The following SLC25A48 variants were observed in gnomAD, a reference collection of about 807,000 sequenced individuals.
SLC25A48 encodes CTC-321K16.1.
SLC25A48 carries 29 observed loss-of-function variants against 32.2 expected under a neutral mutation model. That is an observed-to-expected ratio of 0.90 (90% confidence interval 0.67 to 1.23). SLC25A48 has a LOEUF of 1.23. SLC25A48 is among the 50% of genes most tolerant of loss of function. The pLI is 0.00. For missense variants in SLC25A48, 399 were observed against 422.7 expected, an observed-to-expected ratio of 0.94 and a Z score of 0.49; for synonymous variants, 164 against 172.3, an observed-to-expected ratio of 0.95 and a Z score of 0.38.
chr5:135,680,332 C>A (rs374830552), intron 3 of SLC25A48, among the ~76,000 whole-genome samples: 77 of 152,334 alleles, frequency 5.1e-4, no homozygotes, highest in African/African-American at 1.5e-3. Flanking sequence ...TTAGCTAGCA[C>A]AGATCCTTTG....
intron 3 of SLC25A48, among the ~76,000 whole-genome samples, chr5:135,735,328 G>A (rs548516707): frequency 8.5e-4 from 129 of 152,232 alleles, no homozygotes; most frequent in Middle Eastern, 3.4e-3. Flanking sequence ...TTTGAGGGCC[G>A]GATTCTAATT....
intron 4 of SLC25A48, among the ~76,000 whole-genome samples, chr5:135,819,237 T>C (rs1055768640): frequency 6.6e-6 from 1 of 152,128 alleles, no homozygotes; most frequent in African/African-American, 2.4e-5. Context: ...AGAGGCTCTG[T>C]AAACCCCAGA....
intron 6 of SLC25A48, among the ~76,000 whole-genome samples, chr5:135,877,727 C>A (rs1022139976): frequency 8.5e-5 from 13 of 152,092 alleles, no homozygotes; most frequent in East Asian, 1.9e-4. Context: ...TCCTTCCTGA[C>A]AGATAAGTCA....
intron 1 of SLC25A48, among the ~76,000 whole-genome samples, chr5:135,581,301 A>G (rs1751228715): frequency 6.6e-6 from 1 of 152,170 alleles, no homozygotes. Context: ...CCCTCTTACA[A>G]CCAATGCTGT....
At chr5:135,779,427 A>G (rs1756664067) in intron 3 of SLC25A48, among the ~76,000 whole-genome samples, 2 of 151,442 alleles carry the variant, frequency 1.3e-5, no homozygotes, top group Non-Finnish European at 2.9e-5. Context: ...CATTACTCCC[A>G]ATATCACAGG....
chr5:135,815,367 G>A (rs573944471), intron 4 of SLC25A48, among the ~76,000 whole-genome samples: 3 of 152,214 alleles, frequency 2.0e-5, no homozygotes, highest in Admixed American at 6.5e-5. Context: ...CTGATCTGAC[G>A]GGAGGTGGAG....
In SLC25A48 at chr5:135,629,739, C is replaced by A. The variant is rs978132068; in HGVS notation, c.-709+363C>A. On this transcript the variant is annotated intron_variant, in intron 2 of 10. Coordinates refer to the SLC25A48 transcript ENST00000646290. The surrounding 1 kb of genome is among the most constrained non-coding windows in gnomAD (Gnocchi z 4.8). ...GAGCTGGGGCATTGATCCTTCAACT[C>A]CCCATCCATCATGGGTGGAGGGTTG... Among the ~76,000 whole-genome samples, 1 of 152,182 alleles carries A rather than the reference C, an allele frequency of 6.6e-6. No homozygotes were observed. Among genetic ancestry groups the A allele is most frequent in the South Asian group, 2.1e-4 (1 of 4,822 alleles).
intron 1 of SLC25A48, among the ~76,000 whole-genome samples, chr5:135,614,961 C>T (rs1028158947): frequency 6.6e-6 from 1 of 152,184 alleles, no homozygotes; most frequent in African/African-American, 2.4e-5. Flanking sequence ...CCATGTAAGA[C>T]GTGCCTGCTT....
At chr5:135,765,928 G>A (rs1464116567) in intron 3 of SLC25A48, among the ~76,000 whole-genome samples, 1 of 151,766 alleles carries the variant, frequency 6.6e-6, no homozygotes, top group Non-Finnish European at 1.5e-5. Flanking sequence ...AGGGGTGAGA[G>A]GGTCATATTA....
chr5:135,859,732 T>C (rs1003950696), intron 4 of SLC25A48, among the ~76,000 whole-genome samples: 12 of 152,178 alleles, frequency 7.9e-5, no homozygotes, highest in Admixed American at 2.6e-4. Context: ...CATTGTTGCT[T>C]CTGGGTGAGG....
intron 1 of SLC25A48, among the ~76,000 whole-genome samples, chr5:135,839,803 G>A (rs140378040): frequency 3.9e-5 from 6 of 152,270 alleles, no homozygotes; most frequent in Admixed American, 3.3e-4. Flanking sequence ...TTCCTGTGCT[G>A]TTCTTGTGGT....
At chr5:135,783,966 G>A (rs1580874854) in intron 3 of SLC25A48, among the ~76,000 whole-genome samples, 2 of 117,840 alleles carry the variant, frequency 1.7e-5, no homozygotes, top group African/African-American at 5.2e-5. Context: ...AATCAGGGGG[G>A]AAAAGGATGA....
At chr5:135,780,822 C>T (rs1580871922) in intron 3 of SLC25A48, among the ~76,000 whole-genome samples, 1 of 114,440 alleles carries the variant, frequency 8.7e-6, no homozygotes, top group Admixed American at 9.0e-5. Flanking sequence ...CTCCCAATAT[C>T]GCAGGCGGTG....
chr5:135,658,029 C>A (rs916920144), intron 3 of SLC25A48, among the ~76,000 whole-genome samples: 1 of 152,180 alleles, frequency 6.6e-6, no homozygotes, highest in African/African-American at 2.4e-5. Flanking sequence ...GTGCTCCTGG[C>A]CACTCCAAAA....
At chr5:135,836,185 T>G (rs1195195135) in intron 1 of SLC25A48, among the ~76,000 whole-genome samples, 1 of 152,036 alleles carries the variant, frequency 6.6e-6, no homozygotes, top group Non-Finnish European at 1.5e-5. Flanking sequence ...TGAGTCAGAG[T>G]AGTTCCAAGA....
At chr5:135,760,247 T>TA (rs1174220727) in intron 3 of SLC25A48, among the ~76,000 whole-genome samples, 2 of 152,196 alleles carry the variant, frequency 1.3e-5, no homozygotes, top group African/African-American at 4.8e-5. Flanking sequence ...ATAGTGCATA[T>TA]ACGTGCATAT....
rs569163211 is a variant in SLC25A48, at chr5:135,781,739, AC to A, written c.-520-30782del. ...CTCAATATTGCAGGTGCTGTACACTACCTTTGTGTTGTAGTACCTAACATCC... is the reference window on the plus strand; with the variant it reads ...CTCAATATTGCAGGTGCTGTACACTACTTTGTGTTGTAGTACCTAACATCC... On this transcript the variant is annotated intron_variant, in intron 3 of 10. Transcript: ENST00000646290. 4.4e-3 allele frequency among the ~76,000 whole-genome samples: 509 copies of A among 116,382 alleles called. 150 individuals are homozygous for A. Among genetic ancestry groups the A allele is most frequent in the Non-Finnish European group, 9.2e-3 (434 of 46,994 alleles). 76.4% of individuals were successfully genotyped at this position (116,382 alleles called of 152,430 possible). A position where few individuals can be genotyped will look rare whatever the true frequency, so the allele number is the denominator to read the frequency against.
chr5:135,687,229 A>G (rs146793062), intron 3 of SLC25A48, among the ~76,000 whole-genome samples: 244 of 152,310 alleles, frequency 1.6e-3, no homozygotes, highest in African/African-American at 3.2e-3. Flanking sequence ...AAGGTTACCT[A>G]CAGATTGGGT....
intron 7 of SLC25A48, among the ~76,000 whole-genome samples, chr5:135,885,220 G>T (rs567502263): frequency 3.9e-5 from 6 of 152,202 alleles, no homozygotes; most frequent in African/African-American, 1.4e-4. Context: ...ACCTCCCATT[G>T]CTCTGGTCCA....
Sources: gnomAD v4.1 joint callset for allele counts (sites outside exome capture counted in the v4.1 genomes callset) on GRCh38, gnomAD v4.1.1 for gene constraint, Gnocchi (gnomAD v3.1) non-coding constraint, MANE v1.5 for transcripts, NCBI Gene and HGNC (gene_info 2026-07-23, HGNC 2026-07-21) for gene names.